Variants in RBFOX1 observed in about 807,000 individuals in gnomAD.
RBFOX1 encodes the protein RNA binding protein fox-1 homolog 1.
Under a neutral mutation model 57.7 loss-of-function variants are expected in RBFOX1, and 8 were observed. The ratio of observed to expected loss-of-function variants is 0.14; its 90% CI spans 0.08 to 0.25. The LOEUF (loss-of-function observed/expected upper bound fraction) is 0.25, where lower values mean the gene tolerates loss of function less well. Ranked by LOEUF, RBFOX1 falls within the 10% of genes least tolerant of loss-of-function variation. The pLI is 1.00. For missense variants in RBFOX1, 611 were observed against 548.5 expected (o/e 1.11, Z -1.14); for synonymous variants, 326 against 222.4 (o/e 1.47, Z -4.15).
intron 1 of RBFOX1, among the ~76,000 whole-genome samples, chr16:5,253,885 A>G (rs1329261197): frequency 6.6e-6 from 1 of 152,134 alleles, no homozygotes; most frequent in Non-Finnish European, 1.5e-5. Context: ...GTCTCATCTG[A>G]CAGTGGAGTC....
At chr16:6,249,030 A>G (rs1378161790) in intron 1 of RBFOX1, among the ~76,000 whole-genome samples, 2 of 152,158 alleles carry the variant, frequency 1.3e-5, no homozygotes, top group African/African-American at 2.4e-5. Flanking sequence ...AAATAAGGCA[A>G]CAAACATAAA....
intron 4 of RBFOX1, among the ~76,000 whole-genome samples, chr16:5,966,831 A>G (rs2059853014): frequency 1.3e-5 from 2 of 151,868 alleles, no homozygotes; most frequent in African/African-American, 4.8e-5. Context: ...GATCCAAACC[A>G]TATCAGCAGC....
intron 3 of RBFOX1, among the ~76,000 whole-genome samples, chr16:5,798,116 C>G (rs2054937721): frequency 6.6e-6 from 1 of 152,092 alleles, no homozygotes; most frequent in South Asian, 2.1e-4. Context: ...TTTCCATTTC[C>G]TCATTTGAAA....
At chr16:7,260,557 A>G (rs1473279842) in intron 4 of RBFOX1, among the ~76,000 whole-genome samples, 5 of 152,190 alleles carry the variant, frequency 3.3e-5, no homozygotes, top group East Asian at 1.9e-4. Flanking sequence ...TCTTCAGGGA[A>G]TAACTCATCG....
intron 2 of RBFOX1, among the ~76,000 whole-genome samples, chr16:6,571,980 G>A (rs1018352842): frequency 6.6e-6 from 1 of 152,040 alleles, no homozygotes; most frequent in East Asian, 1.9e-4. Flanking sequence ...TTAACAATTT[G>A]GTGATAGCCT....
intron 3 of RBFOX1, among the ~76,000 whole-genome samples, chr16:6,659,285 C>G (rs751834012): frequency 2.0e-5 from 3 of 151,852 alleles, no homozygotes; most frequent in Admixed American, 6.6e-5. Flanking sequence ...TATCGCCTGG[C>G]CTGGTGCAGC....
chr16:7,440,496 G>T (rs977591542), intron 4 of RBFOX1, among the ~76,000 whole-genome samples: 3 of 152,254 alleles, frequency 2.0e-5, no homozygotes, highest in Admixed American at 1.3e-4. Flanking sequence ...AGAGCCCAAG[G>T]AATGTGGCCA....
intron 1 of RBFOX1, among the ~76,000 whole-genome samples, chr16:6,082,572 C>A (rs1424470034): frequency 1.3e-5 from 2 of 151,698 alleles, no homozygotes. Flanking sequence ...GGGCTAACAG[C>A]CCTTAGCAGA....
chr16:5,711,532 G>T (rs1006816240), intron 3 of RBFOX1, among the ~76,000 whole-genome samples: 3 of 152,178 alleles, frequency 2.0e-5, no homozygotes, highest in African/African-American at 7.2e-5. Context: ...GGAGGAAGAG[G>T]TAACGAAATA....
At chr16:7,205,758 G>C (rs886721703) in intron 4 of RBFOX1, among the ~76,000 whole-genome samples, 4 of 152,204 alleles carry the variant, frequency 2.6e-5, no homozygotes, top group Non-Finnish European at 4.4e-5. Flanking sequence ...TCTTTGAAAA[G>C]GGCAAAAGTG....
intron 2 of RBFOX1, among the ~76,000 whole-genome samples, chr16:6,410,255 A>C (rs1210626805): frequency 1.3e-5 from 2 of 149,750 alleles, no homozygotes; most frequent in African/African-American, 4.9e-5. Flanking sequence ...AATAATCCAA[A>C]GGTAGCCTTC....
chr16:5,599,016 T>C (rs1361423936), exon 3 of RBFOX1: 2 of 1,394,254 alleles, frequency 1.4e-6, no homozygotes, highest in Admixed American at 2.0e-5. Context: ...TTTTGCATCC[T>C]TTTCAGCCTC....
chr16:7,312,562 T>C (rs1013907221), intron 4 of RBFOX1, among the ~76,000 whole-genome samples: 5 of 152,192 alleles, frequency 3.3e-5, no homozygotes, highest in Non-Finnish European at 5.9e-5. Context: ...CGGGTCTTCT[T>C]GGTTCCACTA....
At position 5,586,307 on chromosome 16, in the gene RBFOX1, C is replaced by T. The variant is rs191477854; in HGVS notation, c.259-12595C>T. Among the ~76,000 whole-genome samples, 177 of 152,272 alleles carry T rather than the reference C, an allele frequency of 1.2e-3. 6 individuals are homozygous for T. In the South Asian group the frequency reaches 0.035, roughly 30 times the overall value. On this transcript the variant is annotated intron_variant, in intron 2 of 2. Transcript: ENST00000585867. ...CACTCAGTTGGTGGCAATTGCGTGA[C>T]GGCAGCCACAGGGAACTAAAGTACA...
chr16:5,403,377 A>G (rs1286379115), intron 1 of RBFOX1, among the ~76,000 whole-genome samples: 2 of 151,716 alleles, frequency 1.3e-5, no homozygotes, highest in South Asian at 2.1e-4. Context: ...ACAAAAAACA[A>G]ACAAACAAAA....
intron 4 of RBFOX1, among the ~76,000 whole-genome samples, chr16:5,978,320 GATAAA>G (rs1052444221): frequency 6.6e-6 from 1 of 151,374 alleles, no homozygotes; most frequent in African/African-American, 2.4e-5. Flanking sequence ...TTTCTTAAGA[GATAAA>G]ATAAAAATAA....
chr16:5,842,083 A>G (rs1039056064), intron 3 of RBFOX1, among the ~76,000 whole-genome samples: 1 of 151,942 alleles, frequency 6.6e-6, no homozygotes, highest in African/African-American at 2.4e-5. Context: ...TGAATCATGG[A>G]TTTTGTGTGT....
intron 3 of RBFOX1, among the ~76,000 whole-genome samples, chr16:5,778,552 C>T (rs1295020700): frequency 2.6e-5 from 4 of 152,188 alleles, no homozygotes; most frequent in African/African-American, 9.7e-5. Flanking sequence ...GCTGGTTCAA[C>T]CTGCTCTGAG....
intron 2 of RBFOX1, among the ~76,000 whole-genome samples, chr16:6,328,267 G>T (rs1294694904): frequency 2.6e-5 from 4 of 152,124 alleles, no homozygotes; most frequent in Admixed American, 1.3e-4. Context: ...AGGAACTTTG[G>T]GCACTGGAGG....
Sources: gnomAD v4.1 joint callset for allele counts (sites outside exome capture counted in the v4.1 genomes callset) on GRCh38, gnomAD v4.1.1 for gene constraint, MANE v1.5 for transcripts, NCBI Gene and HGNC (gene_info 2026-07-23, HGNC 2026-07-21) for gene names.